The following GLE1 variants were observed in gnomAD, a reference collection of about 807,000 sequenced individuals.
GLE1 encodes GLE1 RNA export mediator.
In GLE1, 78 loss-of-function variants were observed where a neutral mutation model predicts 97.3. That is an observed-to-expected ratio of 0.80 (90% CI 0.67 to 0.97). The LOEUF (loss-of-function observed/expected upper bound fraction) is 0.97, where lower values mean the gene tolerates loss of function less well. Ranked by LOEUF, GLE1 falls within the 50% of genes least tolerant of loss-of-function variation. GLE1 has a pLI of 0.00. For synonymous variants in GLE1, 302 were observed against 313.4 expected, an observed-to-expected ratio of 0.96 and a Z score of 0.39; for missense variants, 753 against 857.5, an observed-to-expected ratio of 0.88 and a Z score of 1.52.
chr9:128,529,721 T>C (rs1847425516), intron 9 of GLE1, among the ~76,000 whole-genome samples: 1 of 151,578 alleles, frequency 6.6e-6, no homozygotes, highest in Non-Finnish European at 1.5e-5. Context: ...TCTCTCTCTC[T>C]CCCCTTTGTG....
At chr9:128,517,140 A>G (rs1200107235) in intron 3 of GLE1, among the ~76,000 whole-genome samples, 1 of 151,872 alleles carries the variant, frequency 6.6e-6, no homozygotes, top group Non-Finnish European at 1.5e-5. Context: ...AAATACAAAA[A>G]TTAGCCGGGC....
At chr9:128,517,341 G>C (rs1263320385) in intron 3 of GLE1, among the ~76,000 whole-genome samples, 2 of 152,086 alleles carry the variant, frequency 1.3e-5, no homozygotes, top group Non-Finnish European at 2.9e-5. Flanking sequence ...TTGCCTCATT[G>C]GTCATTGAGT....
chr9:128,529,165 C>T (rs146811752), intron 9 of GLE1, among the ~76,000 whole-genome samples: 1 of 152,326 alleles, frequency 6.6e-6, no homozygotes, highest in East Asian at 1.9e-4. Context: ...TTGATAGCAA[C>T]AGCAAAGCAA....
At chr9:128,509,518 T>A (rs1589041615) in intron 2 of GLE1, among the ~76,000 whole-genome samples, 1 of 151,920 alleles carries the variant, frequency 6.6e-6, no homozygotes, top group Non-Finnish European at 1.5e-5. Flanking sequence ...CCTGCCTCTG[T>A]TTTTTTGTTA....
intron 9 of GLE1, among the ~76,000 whole-genome samples, chr9:128,533,010 T>C (rs1354812423): frequency 1.3e-5 from 2 of 152,184 alleles, no homozygotes; most frequent in African/African-American, 4.8e-5. Context: ...TGTAACAAAA[T>C]GTAACACCTC....
intron 1 of GLE1, 54 bp downstream of exon 1, chr9:128,504,958 C>A: frequency 8.3e-7 from 1 of 1,204,854 alleles, no homozygotes; most frequent in Non-Finnish European, 1.2e-6. Context: ...CGACCGAAAC[C>A]TTCTCCCTAG....
intron 1 of GLE1, 133 bp from the exon 2 acceptor site, chr9:128,508,743 A>G (rs1846713382): frequency 1.4e-6 from 1 of 697,526 alleles, no homozygotes; most frequent in Non-Finnish European, 2.6e-6. Flanking sequence ...TTTTCATCTG[A>G]TTGTTAATAC....
At chr9:128,535,220 G>C (rs144955259) in intron 11 of GLE1, among the ~76,000 whole-genome samples, 149 of 151,864 alleles carry the variant, frequency 9.8e-4, no homozygotes, top group African/African-American at 3.4e-3. Flanking sequence ...TACAAAATTA[G>C]CCAGGTGTTG....
At chr9:128,514,919 G>A (rs1414902827) in intron 2 of GLE1, among the ~76,000 whole-genome samples, 1 of 151,950 alleles carries the variant, frequency 6.6e-6, no homozygotes, top group Non-Finnish European at 1.5e-5. Flanking sequence ...TGGGTTCAAG[G>A]GATTCTCCTG....
chr9:128,523,355 G>C lies in GLE1; in HGVS notation c.642+15G>C. On this transcript the variant is annotated intron_variant, in intron 5 of 15. Coordinates refer to ENST00000309971, the MANE Select transcript of GLE1 (RefSeq NM_001003722.2). ...ACAGAGCAAAGGTCAGAGCCTGGCA[G>C]AATTGGTGTGGGTGTTTTGGTGTCT... The C allele has an allele frequency of 6.2e-7, 1 of 1,606,556 alleles. No individual in the cohort carries two copies. Among genetic ancestry groups the C allele is most frequent in the East Asian group, 2.2e-5 (1 of 44,812 alleles).
intron 2 of GLE1, among the ~76,000 whole-genome samples, chr9:128,511,090 T>C (rs1405999983): frequency 1.3e-5 from 2 of 150,526 alleles, no homozygotes; most frequent in African/African-American, 2.4e-5. Flanking sequence ...TGTAATCCCA[T>C]CTACTTGGGA....
chr9:128,507,852 C>T (rs1846685763), intron 1 of GLE1, among the ~76,000 whole-genome samples: 1 of 151,394 alleles, frequency 6.6e-6, no homozygotes, highest in Non-Finnish European at 1.5e-5. Flanking sequence ...CGTGCCACTG[C>T]ACTCCAGCCT....
rs371811161 is a variant in GLE1, at chr9:128,508,775, T to G, written c.100-101T>G. ...ATACATTACTTTGGGTCTTTGATGT[T>G]TATTTATTTAGGCCTTCTTAGATGT... On this transcript the variant is annotated intron_variant, in intron 1 of 15. Transcript: ENST00000309971. The G allele has an allele frequency of 6.1e-5, 47 of 767,628 alleles. 1 individual carries two copies. Among genetic ancestry groups the G allele is most frequent in the South Asian group, 5.6e-4 (40 of 71,332 alleles). The allele number at this position is 767,628 out of a possible 1,614,324, so 47.6% of individuals were successfully genotyped here. A position where few individuals can be genotyped will look rare whatever the true frequency, so the allele number is the denominator to read the frequency against.
At position 128,535,745 on chromosome 9, in the gene GLE1, C is replaced by T. The variant is rs370451610; in HGVS notation, c.1647-610C>T. Among the ~76,000 whole-genome samples, 13 of 151,866 alleles carry T rather than the reference C, an allele frequency of 8.6e-5. 1 individual carries two copies. The East Asian group carries it at 1.4e-3, about 16-fold the overall frequency. ...CAGAGGCAGAAGAATCGCTTGAACC[C>T]GAGAGGCGGAGATTGCCTGAGATCG... On this transcript the variant is annotated intron_variant, in intron 11 of 15. Coordinates refer to ENST00000309971, the MANE Select transcript of GLE1 (RefSeq NM_001003722.2).
At chr9:128,515,825 G>A (rs1352934402) in intron 3 of GLE1, among the ~76,000 whole-genome samples, 186 bp downstream of exon 3, 2 of 152,108 alleles carry the variant, frequency 1.3e-5, no homozygotes, top group East Asian at 1.9e-4. Context: ...GATCCTGGCT[G>A]TTACATTTTA....
At chr9:128,515,283 A>G (rs981658901) in intron 2 of GLE1, among the ~76,000 whole-genome samples, 2 of 152,176 alleles carry the variant, frequency 1.3e-5, no homozygotes, top group African/African-American at 4.8e-5. Context: ...ACAAGTCAAA[A>G]AAAACATAGA....
Position 128,542,134 on chromosome 9 carries a change from A to G in GLE1, c.*964A>G, listed in dbSNP as rs1175335705. On this transcript the variant is annotated 3_prime_UTR_variant, in exon 16 of 16. Transcript: ENST00000309971. Reference sequence around the variant, plus strand: ...CTTTGATACTGCAGAGGCAGTGGCCATGGATCTGTTCCTCTGTGCTAAATG... The same window carrying G: ...CTTTGATACTGCAGAGGCAGTGGCCGTGGATCTGTTCCTCTGTGCTAAATG... The G allele has an allele frequency of 2.0e-5, 3 of 152,228 alleles. No homozygotes were observed. Among genetic ancestry groups the G allele is most frequent in the Non-Finnish European group, 4.4e-5 (3 of 68,046 alleles). The allele number at this position is 152,228 out of a possible 1,614,324, so 9.4% of individuals were successfully genotyped here. A position where few individuals can be genotyped will look rare whatever the true frequency, so the allele number is the denominator to read the frequency against.
Position 128,539,649 on chromosome 9 carries a change from G to A in GLE1, c.1915G>A (p.Val639Ile). The A allele has an allele frequency of 1.2e-6, 2 of 1,612,006 alleles. No individual in the cohort carries two copies. The highest frequency in any genetic ancestry group is 1.7e-6 in the Non-Finnish European group (2 of 1,178,122). ...GAATGCCCTCATGAAGCAATACCAG[G>A]TTCAGTTCTGGAAGATGCTAATTCT... ...CGNALMKQYQ[V>I]QFWKMLILIK... Residue 639 changes from valine (V) to isoleucine (I), a missense_variant, in exon 14 of 16, where the codon GTT becomes ATT. Physicochemically the swap from Val to Ile is conservative, Grantham distance 29. Coordinates refer to ENST00000309971, the MANE Select transcript of GLE1 (RefSeq NM_001003722.2).
At chr9:128,526,460 G>A (rs919135109) in intron 7 of GLE1, among the ~76,000 whole-genome samples, 1 of 151,310 alleles carries the variant, frequency 6.6e-6, no homozygotes, top group Admixed American at 6.6e-5. Flanking sequence ...AGGTTCAAGC[G>A]ATTCTCCTGC....
Sources: allele counts gnomAD v4.1 joint callset (sites outside exome capture counted in the v4.1 genomes callset), GRCh38; gene constraint gnomAD v4.1.1; transcripts MANE v1.5; gene names NCBI Gene and HGNC (gene_info 2026-07-23, HGNC 2026-07-21).